Variants in HS3ST4 observed in about 807,000 individuals in gnomAD.
HS3ST4 encodes heparan sulfate glucosamine 3-O-sulfotransferase 4.
In HS3ST4, 17 loss-of-function variants were observed where a neutral mutation model predicts 29.2. The ratio of observed to expected loss-of-function variants is 0.58; its 90% CI spans 0.40 to 0.87. HS3ST4 has a LOEUF of 0.87. Among genes scored for constraint, HS3ST4 ranks in the 40% least tolerant of loss-of-function variants. The pLI, the probability that HS3ST4 is intolerant of heterozygous loss-of-function variation, is 0.00. For synonymous variants in HS3ST4, 314 were observed against 285.7 expected, an observed-to-expected ratio of 1.10 and a Z score of -1.00; for missense variants, 627 against 634.5, an observed-to-expected ratio of 0.99 and a Z score of 0.13.
At chr16:26,014,657 C>T (rs1055623404) in intron 1 of HS3ST4, among the ~76,000 whole-genome samples, 3 of 152,196 alleles carry the variant, frequency 2.0e-5, no homozygotes, top group Admixed American at 2.0e-4. Context: ...ATCCATGTGG[C>T]TGTAAAGAAC....
chr16:25,862,665 A>G (rs6497896), intron 1 of HS3ST4, among the ~76,000 whole-genome samples: 27,507 of 151,334 alleles, frequency 0.18, 2,753 homozygotes, highest in African/African-American at 0.27. Flanking sequence ...GTATTCCGCT[A>G]TTTAACGATA....
chr16:26,058,112 T>C (rs186583461), intron 1 of HS3ST4, among the ~76,000 whole-genome samples: 1 of 152,334 alleles, frequency 6.6e-6, no homozygotes, highest in Non-Finnish European at 1.5e-5. Flanking sequence ...AACAGCCCCA[T>C]TAAAGCTTTG....
intron 1 of HS3ST4, among the ~76,000 whole-genome samples, chr16:25,701,818 A>G (rs1966336464): frequency 6.6e-6 from 1 of 152,256 alleles, no homozygotes; most frequent in African/African-American, 2.4e-5. Context: ...AGGTGTTATC[A>G]GTCTTGACAG....
intron 1 of HS3ST4, among the ~76,000 whole-genome samples, chr16:26,010,106 T>C (rs569202249): frequency 2.9e-4 from 44 of 152,352 alleles, no homozygotes; most frequent in African/African-American, 8.9e-4. Flanking sequence ...AAGAGGTCTA[T>C]AGACTAGAAT....
intron 1 of HS3ST4, among the ~76,000 whole-genome samples, chr16:26,074,859 G>A (rs188389052): frequency 6.6e-6 from 1 of 152,180 alleles, no homozygotes; most frequent in Non-Finnish European, 1.5e-5. Flanking sequence ...ACTTTGGGGG[G>A]TGCCTGTCCC....
intron 1 of HS3ST4, among the ~76,000 whole-genome samples, chr16:25,917,710 T>C (rs1386324678): frequency 6.6e-6 from 1 of 152,218 alleles, no homozygotes; most frequent in Admixed American, 6.5e-5. Context: ...CTCCCCACCA[T>C]TGCACACCTT....
At chr16:25,697,025 A>G (rs1209552165) in intron 1 of HS3ST4, among the ~76,000 whole-genome samples, 1 of 152,192 alleles carries the variant, frequency 6.6e-6, no homozygotes, top group African/African-American at 2.4e-5. Context: ...CCTGCTGTCT[A>G]ATTTCAAAGG....
intron 1 of HS3ST4, among the ~76,000 whole-genome samples, chr16:25,811,422 C>CTTTTTTTTTTTTTTTTTTTTT (rs5816324): frequency 3.1e-5 from 4 of 129,058 alleles, no homozygotes; most frequent in Non-Finnish European, 3.1e-5. Context: ...TTTTCTTCTT[C>CTTTTTTTTTTTTTTTTTTTTT]TTTTTTTTTT....
chr16:25,984,589 A>C (rs891638584), intron 1 of HS3ST4, among the ~76,000 whole-genome samples: 7 of 152,084 alleles, frequency 4.6e-5, no homozygotes, highest in African/African-American at 1.7e-4. Context: ...TCCATCCTCT[A>C]ATATCCTCTG....
intron 1 of HS3ST4, among the ~76,000 whole-genome samples, chr16:26,093,687 A>C (rs1429110232): frequency 6.6e-6 from 1 of 152,238 alleles, no homozygotes; most frequent in Non-Finnish European, 1.5e-5. Flanking sequence ...AAAATTCTAA[A>C]AATCGAGCAC....
intron 1 of HS3ST4, among the ~76,000 whole-genome samples, chr16:25,758,321 G>A (rs914839973): frequency 2.0e-5 from 3 of 152,126 alleles, no homozygotes; most frequent in Admixed American, 1.3e-4. Flanking sequence ...TGTTAATCAT[G>A]GTCTCTCTGC....
At chr16:25,880,342 T>G (rs984669930) in intron 1 of HS3ST4, among the ~76,000 whole-genome samples, 10 of 152,150 alleles carry the variant, frequency 6.6e-5, no homozygotes, top group Non-Finnish European at 1.2e-4. Context: ...GACACGTGGT[T>G]AACACTCAGT....
chr16:25,917,453 C>T (rs773321642), intron 1 of HS3ST4, among the ~76,000 whole-genome samples: 3 of 152,180 alleles, frequency 2.0e-5, no homozygotes, highest in Non-Finnish European at 4.4e-5. Flanking sequence ...CCTCCTGATC[C>T]ACCCACCTCA....
At chr16:25,968,002 A>G (rs1567283663) in intron 1 of HS3ST4, among the ~76,000 whole-genome samples, 1 of 152,188 alleles carries the variant, frequency 6.6e-6, no homozygotes, top group East Asian at 1.9e-4. Context: ...CCAATGATCA[A>G]AATATGTGAA....
chr16:25,876,383 G>A (rs1312567106), intron 1 of HS3ST4, among the ~76,000 whole-genome samples: 1 of 152,108 alleles, frequency 6.6e-6, no homozygotes, highest in Non-Finnish European at 1.5e-5. Context: ...AATGCCAACA[G>A]GATCCAGCCT....
At chr16:25,912,252 GT>G (rs1968248763) in intron 1 of HS3ST4, among the ~76,000 whole-genome samples, 1 of 152,156 alleles carries the variant, frequency 6.6e-6, no homozygotes, top group Non-Finnish European at 1.5e-5. Flanking sequence ...GCTCACTCTT[GT>G]CCCCGGCATC....
intron 1 of HS3ST4, among the ~76,000 whole-genome samples, chr16:25,998,526 A>G (rs1477940843): frequency 6.6e-6 from 1 of 152,160 alleles, no homozygotes; most frequent in Admixed American, 6.6e-5. Flanking sequence ...ATATTTAGGT[A>G]TTTTTAGAAT....
chr16:25,844,575 A>ACC (rs1394867572), intron 1 of HS3ST4, among the ~76,000 whole-genome samples: 53 of 152,206 alleles, frequency 3.5e-4, no homozygotes, highest in Non-Finnish European at 1.5e-5. Flanking sequence ...GCACACACAC[A>ACC]CAATAGGAAC....
At chr16:25,985,628 T>C (rs1033156792) in intron 1 of HS3ST4, among the ~76,000 whole-genome samples, 4 of 152,168 alleles carry the variant, frequency 2.6e-5, no homozygotes, top group African/African-American at 9.6e-5. Flanking sequence ...AAAAATTTAC[T>C]ACTTATTTTA....
Sources: allele counts gnomAD v4.1 joint callset (sites outside exome capture counted in the v4.1 genomes callset), GRCh38; gene constraint gnomAD v4.1.1; transcripts MANE v1.5; gene names NCBI Gene and HGNC (gene_info 2026-07-23, HGNC 2026-07-21).